The following LZTFL1 variants were observed in gnomAD, a reference collection of about 807,000 sequenced individuals.
LZTFL1 encodes leucine zipper transcription factor-like protein 1.
In LZTFL1, 25 loss-of-function variants were observed where a neutral mutation model predicts 45.9. That is an observed-to-expected ratio of 0.54 (90% CI 0.40 to 0.76). The LOEUF (loss-of-function observed/expected upper bound fraction) is 0.76, where lower values mean the gene tolerates loss of function less well. Ranked by LOEUF, LZTFL1 falls within the 30% of genes least tolerant of loss-of-function variation. The probability of loss-of-function intolerance (pLI) is 0.00; values close to 1 mark genes in which losing one functional copy is unlikely to be tolerated. For synonymous variants in LZTFL1, 93 were observed against 117.4 expected, an observed-to-expected ratio of 0.79 and a Z score of 1.35; for missense variants, 277 against 331.1, an observed-to-expected ratio of 0.84 and a Z score of 1.27.
rs1306698383 is a variant in LZTFL1 at position 45,901,201 on chromosome 3, T to C, written c.-215+11919A>G. 3.1e-6 allele frequency: 5 copies of C among 1,613,982 alleles called. No individual in the cohort carries two copies. The highest frequency in any genetic ancestry group is 1.3e-5 in the African/African-American group (1 of 74,948). ...TTCTACAGCTGTGTGTTGCTGATCA[T>C]GTGCATCAGCGTGGACAGGTACATT... On this transcript the variant is annotated intron_variant, in intron 2 of 4. Coordinates refer to the LZTFL1 transcript ENST00000472635. This position sits in a 1 kb window ranked among gnomAD's most constrained non-coding sequence, Gnocchi z 4.3.
intron 2 of LZTFL1, among the ~76,000 whole-genome samples, chr3:45,865,595 A>C (rs1382723080): frequency 6.6e-6 from 1 of 152,262 alleles, no homozygotes; most frequent in South Asian, 2.1e-4. Context: ...TTCTTACTCT[A>C]TATTTCTGAA....
At chr3:45,888,659 C>T (rs1272285791) in intron 2 of LZTFL1, among the ~76,000 whole-genome samples, 1 of 152,218 alleles carries the variant, frequency 6.6e-6, no homozygotes, top group Non-Finnish European at 1.5e-5. Context: ...AGATGGTCCT[C>T]ACTCTCAGTA....
At chr3:45,885,534 T>C (rs1392874887) in intron 2 of LZTFL1, among the ~76,000 whole-genome samples, 1 of 152,216 alleles carries the variant, frequency 6.6e-6, no homozygotes, top group Non-Finnish European at 1.5e-5. Context: ...TCTGTGGCTT[T>C]CCAGCACTCC....
chr3:45,827,261 C>T lies in LZTFL1; in HGVS notation c.881+95G>A, dbSNP rs1355056793. On this transcript the variant is annotated intron_variant, in intron 9 of 9. Transcript: ENST00000296135. ...CTGGACTAAATGATCCAGCAACTAC[C>T]ACCGGCTTGACCTCTCTGGAACAAG... 13 of 918,808 alleles carry T rather than the reference C, an allele frequency of 1.4e-5. No homozygotes were observed. In the African/African-American group the frequency reaches 1.6e-4, roughly 12 times the overall value. 56.9% of individuals were successfully genotyped at this position (918,808 alleles called of 1,614,324 possible).
intron 5 of LZTFL1, among the ~76,000 whole-genome samples, chr3:45,832,287 G>A (rs1213354690): frequency 6.6e-6 from 1 of 152,108 alleles, no homozygotes; most frequent in Non-Finnish European, 1.5e-5. Context: ...CAAGGGAGCA[G>A]GTATTACACT....
Position 45,901,375 on chromosome 3 carries a change from C to T in LZTFL1, c.-215+11745G>A. On this transcript the variant is annotated intron_variant, in intron 2 of 4. Coordinates refer to the LZTFL1 transcript ENST00000472635. This position sits in a 1 kb window ranked among gnomAD's most constrained non-coding sequence, Gnocchi z 4.3. ...CAAATCAAGGAGGAATCCGGCATTG[C>T]TATCTGCACCATGGTTTACCCTAGC... The T allele has an allele frequency of 1.9e-6, 3 of 1,614,192 alleles. No homozygotes were observed. Among genetic ancestry groups the T allele is most frequent in the Non-Finnish European group, 2.5e-6 (3 of 1,180,028 alleles).
At chr3:45,914,244 C>A (rs1481662236) in intron 1 of LZTFL1, among the ~76,000 whole-genome samples, 1 of 152,010 alleles carries the variant, frequency 6.6e-6, no homozygotes, top group African/African-American at 2.4e-5. Flanking sequence ...ATGGACCAGA[C>A]CTGATGAACC....
intron 7 of LZTFL1, 119 bp from the exon 8 acceptor site, chr3:45,828,734 C>T: frequency 1.1e-6 from 1 of 888,022 alleles, no homozygotes; most frequent in South Asian, 1.7e-5. Context: ...GTGTGCATGC[C>T]AGCCTCCCTT....
intron 8 of LZTFL1, among the ~76,000 whole-genome samples, chr3:45,827,874 A>T (rs1044296299): frequency 2.7e-5 from 4 of 150,894 alleles, no homozygotes; most frequent in African/African-American, 9.7e-5. Context: ...AAAAATTTTT[A>T]ATTTTTTTAT....
intron 2 of LZTFL1, among the ~76,000 whole-genome samples, chr3:45,908,130 C>A (rs919536687): frequency 6.6e-6 from 1 of 152,112 alleles, no homozygotes; most frequent in African/African-American, 2.4e-5. Flanking sequence ...CTCCTTGAAT[C>A]TGGGTGGGCT....
rs149676539 is a variant in LZTFL1, at chr3:45,877,817, C to T, written c.-214-18801G>A. 5.6e-3 allele frequency among the ~76,000 whole-genome samples: 838 copies of T among 149,806 alleles called. 7 individuals carry two copies. Among genetic ancestry groups the T allele is most frequent in the East Asian group, 0.011 (56 of 5,104 alleles). On this transcript the variant is annotated intron_variant, in intron 2 of 4. Coordinates refer to the LZTFL1 transcript ENST00000472635. ...CTGGAGTGCAGTGGCTTGATCTTGG[C>T]GCACTGCAACCTCTGCCTCCCAGGT...
intron 5 of LZTFL1, chr3:45,832,580 G>A (rs1329439250): frequency 1.6e-5 from 2 of 127,924 alleles, no homozygotes; most frequent in Non-Finnish European, 3.4e-5. Context: ...TTTTTTTTTT[G>A]AGATGGAGTC....
intron 4 of LZTFL1, among the ~76,000 whole-genome samples, chr3:45,853,688 T>C (rs1701342153): frequency 6.6e-6 from 1 of 152,226 alleles, no homozygotes; most frequent in Admixed American, 6.5e-5. Flanking sequence ...TTTGGCTCTA[T>C]ATCTTCATTT....
chr3:45,841,617 C>A (rs560399832), intron 1 of LZTFL1: 1 of 319,652 alleles, frequency 3.1e-6, no homozygotes, highest in African/African-American at 2.1e-5. Context: ...TGTGCGTAAA[C>A]TTGGAGCTTC....
At chr3:45,844,231 A>T (rs542772155), upstream of LZTFL1, among the ~76,000 whole-genome samples, 451 of 152,274 alleles carry the variant, frequency 3.0e-3, no homozygotes, top group Non-Finnish European at 5.2e-3. Context: ...ATGCCAACAG[A>T]TTCACTCATT....
intron 4 of LZTFL1, among the ~76,000 whole-genome samples, chr3:45,848,438 T>A (rs753822025): frequency 2.6e-5 from 4 of 152,238 alleles, no homozygotes; most frequent in Non-Finnish European, 5.9e-5. Flanking sequence ...CATGATGTTA[T>A]TTAAGGCTTA....
chr3:45,903,413 C>T (rs1702616213), intron 2 of LZTFL1: 1 of 152,260 alleles, frequency 6.6e-6, no homozygotes, highest in African/African-American at 2.4e-5. Context: ...ACTCCTCAGG[C>T]TTTTCCGTGT....
At chr3:45,888,545 C>A (rs758189203) in intron 2 of LZTFL1, among the ~76,000 whole-genome samples, 2 of 152,146 alleles carry the variant, frequency 1.3e-5, no homozygotes, top group Non-Finnish European at 2.9e-5. Context: ...TAAGTGGGTT[C>A]GATGGATGGC....
intron 2 of LZTFL1, among the ~76,000 whole-genome samples, chr3:45,909,743 C>CGCCGT (rs1430024297): frequency 2.0e-5 from 3 of 152,224 alleles, no homozygotes; most frequent in African/African-American, 7.2e-5. Context: ...AAAGGCCTCA[C>CGCCGT]GCCGTGGGTG....
Sources: gnomAD v4.1 joint callset for allele counts (sites outside exome capture counted in the v4.1 genomes callset) on GRCh38, gnomAD v4.1.1 for gene constraint, Gnocchi (gnomAD v3.1) non-coding constraint, MANE v1.5 for transcripts, NCBI Gene and HGNC (gene_info 2026-07-23, HGNC 2026-07-21) for gene names.